ANKFN1: variants seen among roughly 807,000 people sequenced by gnomAD.
ANKFN1 encodes the protein ankyrin repeat and fibronectin type-III domain-containing protein 1.
Under a neutral mutation model 108.7 loss-of-function variants are expected in ANKFN1, and 74 were observed. The ratio of observed to expected loss-of-function variants is 0.68; its 90% confidence interval spans 0.56 to 0.83. The LOEUF is 0.83. ANKFN1 is among the 40% of genes least tolerant of loss of function. ANKFN1 has a pLI of 0.00. For synonymous variants in ANKFN1, 547 were observed against 516.2 expected (o/e 1.06, Z -0.81); for missense variants, 1,505 against 1,382.3 (o/e 1.09, Z -1.41).
At chr17:56,186,040 T>C (rs1432361253) in intron 1 of ANKFN1, among the ~76,000 whole-genome samples, 1 of 152,226 alleles carries the variant, frequency 6.6e-6, no homozygotes, top group Non-Finnish European at 1.5e-5. Flanking sequence ...GTGAGTTTGT[T>C]TGATGGCACG....
At chr17:56,381,687 T>G (rs1328552119) in intron 8 of ANKFN1, among the ~76,000 whole-genome samples, 2 of 151,614 alleles carry the variant, frequency 1.3e-5, no homozygotes, top group Non-Finnish European at 2.9e-5. Flanking sequence ...AGGGTATCAG[T>G]GATAGAAGAT....
intron 3 of ANKFN1, among the ~76,000 whole-genome samples, chr17:56,265,773 T>C (rs2043633945): frequency 6.6e-6 from 1 of 152,214 alleles, no homozygotes; most frequent in African/African-American, 2.4e-5. Flanking sequence ...AGATTACTTA[T>C]AATACCTAAT....
At chr17:56,048,373 C>A (rs1331471516) in intron 4 of ANKFN1, among the ~76,000 whole-genome samples, 2 of 152,050 alleles carry the variant, frequency 1.3e-5, no homozygotes, top group East Asian at 3.9e-4. Context: ...GCTTTTCATG[C>A]CTGTTACCAG....
At position 56,306,865 on chromosome 17, in the gene ANKFN1, G is replaced by A. The variant is rs538492623; in HGVS notation, c.54-19356G>A. ...ACAGTAACCAAAACAGCATGGTACT[G>A]GTACCAAAACAGAGATACAGACCAA... On this transcript the variant is annotated intron_variant, in intron 3 of 20. Transcript: ENST00000682825. Among the ~76,000 whole-genome samples the A allele has an allele frequency of 5.9e-5, 9 of 152,260 alleles. No individual in the cohort carries two copies. In the East Asian group the frequency reaches 1.5e-3, roughly 26 times the overall value.
chr17:56,194,925 A>C (rs991579008), intron 1 of ANKFN1, among the ~76,000 whole-genome samples: 1 of 152,212 alleles, frequency 6.6e-6, no homozygotes, highest in Non-Finnish European at 1.5e-5. Flanking sequence ...ACAACAATAT[A>C]GATGAGCCAT....
intron 4 of ANKFN1, among the ~76,000 whole-genome samples, chr17:56,073,606 T>G (rs1399566921): frequency 6.6e-6 from 1 of 152,256 alleles, no homozygotes; most frequent in Admixed American, 6.5e-5. Flanking sequence ...CACCTATGTA[T>G]AGTTTCAAAA....
chr17:56,067,643 G>C (rs1034119051), intron 4 of ANKFN1, among the ~76,000 whole-genome samples: 1 of 152,184 alleles, frequency 6.6e-6, no homozygotes, highest in Admixed American at 6.5e-5. Flanking sequence ...CAAGAGGAAT[G>C]TTACCTTTTC....
intron 4 of ANKFN1, among the ~76,000 whole-genome samples, chr17:56,080,732 T>G (rs1167974160): frequency 6.6e-6 from 1 of 152,256 alleles, no homozygotes; most frequent in African/African-American, 2.4e-5. Context: ...CTTTAACTAT[T>G]ATGCTCTATT....
intron 4 of ANKFN1, among the ~76,000 whole-genome samples, chr17:56,341,709 A>G (rs1196677095): frequency 6.6e-6 from 1 of 151,440 alleles, no homozygotes; most frequent in Non-Finnish European, 1.5e-5. Context: ...TTAGTTTGCC[A>G]GTATTTTGTT....
At chr17:56,179,418 C>T (rs530950815) in intron 1 of ANKFN1, among the ~76,000 whole-genome samples, 1 of 152,276 alleles carries the variant, frequency 6.6e-6, no homozygotes, top group African/African-American at 2.4e-5. Context: ...CATCCCTGCC[C>T]TGTTTGAAAT....
At chr17:56,299,488 T>C (rs1194026657) in intron 3 of ANKFN1, among the ~76,000 whole-genome samples, 1 of 152,250 alleles carries the variant, frequency 6.6e-6, no homozygotes, top group East Asian at 1.9e-4. Context: ...CTGAATGTCT[T>C]TGGGATATTT....
intron 6 of ANKFN1, among the ~76,000 whole-genome samples, chr17:56,358,226 C>G (rs189602018): frequency 6.0e-4 from 92 of 152,282 alleles, no homozygotes; most frequent in Admixed American, 5.2e-4. Context: ...GCTCAGTATT[C>G]TTTTCACTAT....
chr17:56,503,030 T>C (rs893644673), intron 20 of ANKFN1, among the ~76,000 whole-genome samples: 26 of 152,290 alleles, frequency 1.7e-4, no homozygotes, highest in African/African-American at 6.3e-4. Flanking sequence ...TTCTAGAAAA[T>C]GCAGCTCAAG....
chr17:56,156,593 A>C (rs1402936994), intron 1 of ANKFN1: 2 of 152,192 alleles, frequency 1.3e-5, no homozygotes, highest in Non-Finnish European at 2.9e-5. Context: ...TTCATATATT[A>C]TCCTCTTTAT....
intron 4 of ANKFN1, among the ~76,000 whole-genome samples, chr17:56,332,453 T>C (rs1253500249): frequency 6.6e-6 from 1 of 152,206 alleles, no homozygotes; most frequent in Non-Finnish European, 1.5e-5. Context: ...CTATTTCAGG[T>C]TAATTTTTGT....
intron 8 of ANKFN1, among the ~76,000 whole-genome samples, chr17:56,424,937 G>T (rs540819336): frequency 6.6e-6 from 1 of 152,148 alleles, no homozygotes; most frequent in East Asian, 1.9e-4. Context: ...GTGTAGAATT[G>T]AGATGGTGAC....
chr17:56,170,005 A>G (rs796190923), intron 1 of ANKFN1, among the ~76,000 whole-genome samples: 24 of 152,326 alleles, frequency 1.6e-4, no homozygotes, highest in African/African-American at 2.4e-4. Context: ...GTAAATCCAC[A>G]TGGATCGGTG....
chr17:56,501,108 C>T (rs2051353665), intron 20 of ANKFN1, among the ~76,000 whole-genome samples: 1 of 151,950 alleles, frequency 6.6e-6, no homozygotes, highest in African/African-American at 2.4e-5. Flanking sequence ...ATATTCCAGA[C>T]AATAAAACAG....
rs150081362 is a variant in ANKFN1 at position 56,497,487 on chromosome 17, G to A, written c.2428-1395G>A. 2.3e-3 allele frequency among the ~76,000 whole-genome samples: 343 copies of A among 152,218 alleles called. 1 individual carries two copies. The highest frequency in any genetic ancestry group is 7.6e-3 in the African/African-American group (317 of 41,526). ...TAGCTAGCTTTTCACTCAACTTGGC[G>A]GACTGAATGTCAGACCTACTGTGTG... On this transcript the variant is annotated intron_variant, in intron 19 of 20. Transcript: ENST00000682825.
Sources: allele counts gnomAD v4.1 joint callset (sites outside exome capture counted in the v4.1 genomes callset), GRCh38; gene constraint gnomAD v4.1.1; transcripts MANE v1.5; gene names NCBI Gene and HGNC (gene_info 2026-07-23, HGNC 2026-07-21).